PCDH15: variants seen among roughly 807,000 people sequenced by gnomAD.
PCDH15 encodes the protein protocadherin-15.
PCDH15 carries 129 observed loss-of-function variants against 178.5 expected under a neutral mutation model. The ratio of observed to expected loss-of-function variants is 0.72; its 90% CI spans 0.63 to 0.84. PCDH15 has a LOEUF of 0.84. Among genes scored for constraint, PCDH15 ranks in the 40% least tolerant of loss-of-function variants. The pLI is 0.00. For synonymous variants in PCDH15, 800 were observed against 732.0 expected (o/e 1.09, Z -1.50); for missense variants, 2,230 against 2,099.9 (o/e 1.06, Z -1.21).
At chr10:55,122,352 C>T (rs911767413) in intron 2 of PCDH15, among the ~76,000 whole-genome samples, 2 of 152,072 alleles carry the variant, frequency 1.3e-5, no homozygotes, top group Non-Finnish European at 2.9e-5. Flanking sequence ...TTAGTTATAA[C>T]TACGGGCTAG....
chr10:53,969,195 G>C (rs1448029505), intron 21 of PCDH15, among the ~76,000 whole-genome samples: 1 of 152,152 alleles, frequency 6.6e-6, no homozygotes, highest in Non-Finnish European at 1.5e-5. Context: ...CATGGCACGA[G>C]AACTATCTGA....
chr10:54,115,027 G>A (rs2095089498), intron 15 of PCDH15, among the ~76,000 whole-genome samples: 2 of 152,164 alleles, frequency 1.3e-5, no homozygotes, highest in African/African-American at 2.4e-5. Flanking sequence ...CCACAAAAGG[G>A]CAGGGCGGTG....
chr10:54,661,687 T>A (rs1243792991), intron 2 of PCDH15, among the ~76,000 whole-genome samples: 1 of 151,886 alleles, frequency 6.6e-6, no homozygotes, highest in Admixed American at 6.6e-5. Context: ...AAACTCAGCA[T>A]GGCATTGGCA....
At position 53,983,990 on chromosome 10, in the gene PCDH15, C is replaced by G. The variant is rs765073745; in HGVS notation, c.2868+11659G>C. On this transcript the variant is annotated intron_variant, in intron 21 of 37. Transcript: ENST00000644397. Reference sequence around the variant, plus strand: ...ACTTCAGGGCCTGATTCTTTTGTTACGTGACTTTATCTTGGCATAACCTTC... The same window carrying G: ...ACTTCAGGGCCTGATTCTTTTGTTAGGTGACTTTATCTTGGCATAACCTTC... Among the ~76,000 whole-genome samples the G allele has an allele frequency of 3.3e-5, 5 of 152,000 alleles. No individual in the cohort carries two copies. In the East Asian group the frequency reaches 9.7e-4, roughly 29 times the overall value.
intron 3 of PCDH15, among the ~76,000 whole-genome samples, chr10:54,822,124 T>C (rs1953052529): frequency 6.6e-6 from 1 of 152,212 alleles, no homozygotes. Context: ...AATTGGGATA[T>C]TCATCATCTA....
At chr10:55,113,044 T>C (rs767668800) in intron 2 of PCDH15, among the ~76,000 whole-genome samples, 5 of 152,124 alleles carry the variant, frequency 3.3e-5, no homozygotes, top group Non-Finnish European at 7.4e-5. Context: ...TGGAACTGCA[T>C]GGCATCATCC....
At chr10:54,693,365 C>T (rs1449248093) in intron 1 of PCDH15, among the ~76,000 whole-genome samples, 3 of 152,094 alleles carry the variant, frequency 2.0e-5, no homozygotes, top group African/African-American at 7.2e-5. Context: ...ACATGTGTAA[C>T]AACACCATGT....
At chr10:54,712,735 G>T (rs1356745133) in intron 1 of PCDH15, among the ~76,000 whole-genome samples, 2 of 151,982 alleles carry the variant, frequency 1.3e-5, no homozygotes, top group Non-Finnish European at 2.9e-5. Flanking sequence ...AAGATGATGA[G>T]AAGAGCTAAC....
chr10:54,597,250 C>T (rs2134016202), intron 2 of PCDH15, among the ~76,000 whole-genome samples: 1 of 152,236 alleles, frequency 6.6e-6, no homozygotes, highest in East Asian at 1.9e-4. Flanking sequence ...CAACCACTCT[C>T]TTGGACAACA....
chr10:55,546,089 C>A (rs1055319185), intron 2 of PCDH15, among the ~76,000 whole-genome samples: 5 of 151,908 alleles, frequency 3.3e-5, no homozygotes, highest in African/African-American at 9.7e-5. Context: ...ATACAAGATG[C>A]GACATGTTAC....
intron 2 of PCDH15, among the ~76,000 whole-genome samples, chr10:55,418,732 G>A (rs1438598440): frequency 6.6e-6 from 1 of 151,596 alleles, no homozygotes; most frequent in East Asian, 1.9e-4. Context: ...AATATTAGAA[G>A]AAAAAAGAAA....
At chr10:54,448,422 A>G (rs749809265) in intron 3 of PCDH15, among the ~76,000 whole-genome samples, 2 of 151,644 alleles carry the variant, frequency 1.3e-5, no homozygotes, top group Non-Finnish European at 3.0e-5. Flanking sequence ...TGACAATATC[A>G]TGAATCATTT....
chr10:55,033,291 A>G (rs1840656092), intron 2 of PCDH15, among the ~76,000 whole-genome samples: 1 of 152,152 alleles, frequency 6.6e-6, no homozygotes, highest in South Asian at 2.1e-4. Flanking sequence ...CGAGAGGCCA[A>G]AGCCTGGGAG....
At chr10:55,056,590 T>C (rs547566063) in intron 2 of PCDH15, among the ~76,000 whole-genome samples, 2 of 145,096 alleles carry the variant, frequency 1.4e-5, no homozygotes, top group Non-Finnish European at 3.0e-5. Flanking sequence ...TAATCACTAT[T>C]TGATTTATTT....
chr10:54,979,105 T>A (rs1056153731), intron 2 of PCDH15, among the ~76,000 whole-genome samples: 1 of 152,130 alleles, frequency 6.6e-6, no homozygotes, highest in Non-Finnish European at 1.5e-5. Context: ...AGGTCACATA[T>A]GTAGTAAAGA....
At chr10:54,984,895 T>G (rs145459823) in intron 2 of PCDH15, among the ~76,000 whole-genome samples, 1 of 152,308 alleles carries the variant, frequency 6.6e-6, no homozygotes, top group African/African-American at 2.4e-5. Context: ...AGTCCTTCAG[T>G]CTCTTCTGAA....
At chr10:54,039,610 T>C (rs1911398) in intron 18 of PCDH15, among the ~76,000 whole-genome samples, 8,720 of 152,062 alleles carry the variant, frequency 0.057, 327 homozygotes, top group Non-Finnish European at 0.09. Context: ...CAGTATATAG[T>C]GTGCCCAGAG....
chr10:54,383,263 T>C (rs894386264), intron 3 of PCDH15, among the ~76,000 whole-genome samples: 1 of 151,792 alleles, frequency 6.6e-6, no homozygotes, highest in Non-Finnish European at 1.5e-5. Flanking sequence ...TATGTATGCA[T>C]ATGTAAAATA....
rs541281148 is a variant in PCDH15, at chr10:55,055,870, T to A, written c.-80+110706A>T. ...AGGAGGGTGGCTCAGAAATAAAATA[T>A]AGACTGGCAAATATATGTTTTGTTT... On this transcript the variant is annotated intron_variant, in intron 2 of 5. Coordinates refer to the PCDH15 transcript ENST00000458638. Among the ~76,000 whole-genome samples the A allele has an allele frequency of 2.6e-5, 4 of 152,236 alleles. No homozygotes were observed. In the South Asian group the frequency reaches 8.3e-4, roughly 32 times the overall value.
Sources: allele counts gnomAD v4.1 joint callset (sites outside exome capture counted in the v4.1 genomes callset), GRCh38; gene constraint gnomAD v4.1.1; transcripts MANE v1.5; gene names NCBI Gene and HGNC (gene_info 2026-07-23, HGNC 2026-07-21).